The following BOC variants were observed in gnomAD, a reference collection of about 807,000 sequenced individuals.
The protein encoded by BOC is BOC cell adhesion associated, oncogene regulated.
BOC carries 76 observed loss-of-function variants against 112.0 expected under a neutral mutation model. That is an observed-to-expected ratio of 0.68 (90% CI 0.56 to 0.82). The LOEUF is 0.82. Among genes scored for constraint, BOC ranks in the 40% least tolerant of loss-of-function variants. The pLI, the probability that BOC is intolerant of heterozygous loss-of-function variation, is 0.00. For missense variants in BOC, 1,309 were observed against 1,511.7 expected, an observed-to-expected ratio of 0.87 and a Z score of 2.22; for synonymous variants, 580 against 599.8, an observed-to-expected ratio of 0.97 and a Z score of 0.48.
chr3:113,222,800 G>A (rs889858928), intron 2 of BOC, among the ~76,000 whole-genome samples: 26 of 152,186 alleles, frequency 1.7e-4, no homozygotes, highest in Non-Finnish European at 3.1e-4. Context: ...CCACTTTGCC[G>A]CCCTCCTCCC....
At chr3:113,227,589 G>T (rs1476296283) in intron 2 of BOC, among the ~76,000 whole-genome samples, 1 of 152,134 alleles carries the variant, frequency 6.6e-6, no homozygotes, top group Non-Finnish European at 1.5e-5. Context: ...CAAAACCTGG[G>T]CAGTCACTGA....
At chr3:113,284,300 G>A in intron 16 of BOC, 35 bp from the exon 17 acceptor site, 1 of 1,580,544 alleles carries the variant, frequency 6.3e-7, no homozygotes. Flanking sequence ...GGGCTACCTT[G>A]GCCTAAGCAC....
At chr3:113,236,292 A>ATATATATATACCCATGGG (rs1553726902) in intron 2 of BOC, among the ~76,000 whole-genome samples, 1,059 of 48,380 alleles carry the variant, frequency 0.022, 84 homozygotes, top group Middle Eastern at 0.037. Flanking sequence ...GTATATATAT[A>ATATATATATACCCATGGG]TATATATATA....
At position 113,258,888 on chromosome 3, in the gene BOC, G is replaced by A. The variant is rs16860732; in HGVS notation, c.376+8055G>A. On this transcript the variant is annotated intron_variant, in intron 4 of 19. Transcript: ENST00000682979. ...TGGCTGAGATCTAAAAGGTGCCTGAGCAACTTGAGCATCTTAATAGGAAAT... is the reference window on the plus strand; with the variant it reads ...TGGCTGAGATCTAAAAGGTGCCTGAACAACTTGAGCATCTTAATAGGAAAT... Among the ~76,000 whole-genome samples the A allele has an allele frequency of 5.8e-3, 887 of 152,318 alleles. 5 individuals carry two copies. The highest frequency in any genetic ancestry group is 0.02 in the African/African-American group (816 of 41,554).
intron 5 of BOC, 91 bp from the exon 6 acceptor site, chr3:113,270,710 C>T (rs1470271767): frequency 2.1e-6 from 3 of 1,461,726 alleles, no homozygotes; most frequent in Admixed American, 4.4e-5. Context: ...CAGCCTGTTC[C>T]TCTCCCTCCG....
At chr3:113,256,366 C>T (rs1348393917) in intron 4 of BOC, among the ~76,000 whole-genome samples, 22 of 152,210 alleles carry the variant, frequency 1.4e-4, no homozygotes. Flanking sequence ...CTCAGATTCC[C>T]ACCCCAGCCG....
At chr3:113,256,509 A>G (rs1946241114) in intron 4 of BOC, among the ~76,000 whole-genome samples, 2 of 152,164 alleles carry the variant, frequency 1.3e-5, no homozygotes, top group Admixed American at 6.5e-5. Context: ...TTGCACTGAC[A>G]GGCTGGGCTG....
chr3:113,279,261 C>G lies in BOC; in HGVS notation c.1829C>G (p.Pro610Arg), dbSNP rs1052623137. The change falls in exon 12 of 20, where the codon CCC becomes CGC. Residue 610 changes from proline (P) to arginine (R), a missense_variant. Physicochemically the swap from Pro to Arg is moderately radical, Grantham distance 103 (BLOSUM62 -2). Transcript: ENST00000682979. ...DHGRLSPPEA[P>R]DRPTISTASE... ...CGGTCTTTCCCAGCCCCAGAAGCTC[C>G]CGACAGGCCCACCATCTCCACGGCC... 6.2e-7 allele frequency: 1 copy of G among 1,613,418 alleles called. No homozygotes were observed. The highest frequency in any genetic ancestry group is 2.2e-5 in the East Asian group (1 of 44,868).
chr3:113,233,329 G>A (rs1428350946), intron 2 of BOC, among the ~76,000 whole-genome samples: 1 of 152,162 alleles, frequency 6.6e-6, no homozygotes, highest in African/African-American at 2.4e-5. Context: ...CATGTGGAGG[G>A]TATAAATGTG....
chr3:113,276,085 A>G (rs1388840899), intron 9 of BOC, among the ~76,000 whole-genome samples: 1 of 152,170 alleles, frequency 6.6e-6, no homozygotes, highest in Non-Finnish European at 1.5e-5. Flanking sequence ...GCTGGTCCTA[A>G]TCCTATTTCC....
intron 15 of BOC, among the ~76,000 whole-genome samples, chr3:113,282,523 A>C (rs985971328): frequency 1.3e-5 from 2 of 152,220 alleles, no homozygotes; most frequent in Non-Finnish European, 2.9e-5. Context: ...AGGTAAAACC[A>C]CTTGGAGGCT....
chr3:113,216,803 A>G (rs927501209), intron 2 of BOC, among the ~76,000 whole-genome samples: 1 of 152,220 alleles, frequency 6.6e-6, no homozygotes, highest in Non-Finnish European at 1.5e-5. Flanking sequence ...ATTGGGCAGT[A>G]AGAGGAAATC....
At chr3:113,225,482 C>A (rs959848730) in intron 2 of BOC, among the ~76,000 whole-genome samples, 1 of 152,226 alleles carries the variant, frequency 6.6e-6, no homozygotes, top group African/African-American at 2.4e-5. Context: ...CCACCTCCCC[C>A]TCTGGTTTTC....
chr3:113,274,388 G>T lies in BOC; in HGVS notation c.1248G>T (p.Arg416Ser). 1 of 1,550,256 alleles carries T rather than the reference G, an allele frequency of 6.5e-7. No individual in the cohort carries two copies. The highest frequency in any genetic ancestry group is 2.3e-5 in the East Asian group (1 of 43,844). Residue 416 changes from arginine (R) to serine (S), a missense_variant, in exon 9 of 20, where the codon AGG becomes AGT. By Grantham distance (110) the Arg-to-Ser change is moderately radical. Coordinates refer to ENST00000682979, the MANE Select transcript of BOC (RefSeq NM_001378074.1). The surrounding 1 kb of genome is among the most constrained non-coding windows in gnomAD (Gnocchi z 4.8). ...TTGGTCCTCCAGGCATAACCCCAAGGCTATGGCAGGATGCTGAGCTGGCTA... is the reference window on the plus strand; with the variant it reads ...TTGGTCCTCCAGGCATAACCCCAAGTCTATGGCAGGATGCTGAGCTGGCTA... Reference protein sequence around the residue: ...LRTSRPSITPRLWQDAELATG... With the variant: ...LRTSRPSITPSLWQDAELATG...
At chr3:113,231,012 A>T (rs913929901) in intron 2 of BOC, among the ~76,000 whole-genome samples, 3 of 152,194 alleles carry the variant, frequency 2.0e-5, no homozygotes, top group Non-Finnish European at 4.4e-5. Flanking sequence ...GAATTAGGGG[A>T]AGTGTTCTTT....
At chr3:113,259,690 G>A (rs937495207) in intron 4 of BOC, among the ~76,000 whole-genome samples, 11 of 152,112 alleles carry the variant, frequency 7.2e-5, no homozygotes, top group African/African-American at 2.2e-4. Flanking sequence ...GCAAATAGAC[G>A]TAGTGTTCAC....
chr3:113,251,595 T>C (rs1366901417), intron 4 of BOC: 3 of 152,154 alleles, frequency 2.0e-5, no homozygotes, highest in Non-Finnish European at 4.4e-5. Context: ...ACATTCTATT[T>C]GTGATATAGA....
intron 2 of BOC, among the ~76,000 whole-genome samples, chr3:113,237,890 C>T (rs917636653): frequency 1.3e-5 from 2 of 152,170 alleles, no homozygotes; most frequent in African/African-American, 4.8e-5. Context: ...ACTGAAAAAG[C>T]ACCTATGATG....
intron 2 of BOC, among the ~76,000 whole-genome samples, chr3:113,246,423 A>G (rs1944927481): frequency 6.6e-6 from 1 of 152,188 alleles, no homozygotes; most frequent in African/African-American, 2.4e-5. Flanking sequence ...TTCATTTCAC[A>G]ATGGGACAAC....
Sources: allele counts gnomAD v4.1 joint callset (sites outside exome capture counted in the v4.1 genomes callset), GRCh38; gene constraint gnomAD v4.1.1; non-coding constraint Gnocchi (gnomAD v3.1); transcripts MANE v1.5; gene names NCBI Gene and HGNC (gene_info 2026-07-23, HGNC 2026-07-21).